Variants in PRICKLE2 observed in about 807,000 individuals in gnomAD.
PRICKLE2 encodes prickle planar cell polarity protein 2.
Under a neutral mutation model 81.4 loss-of-function variants are expected in PRICKLE2, and 21 were observed. The ratio of observed to expected loss-of-function variants is 0.26; its 90% CI spans 0.18 to 0.37. The LOEUF is 0.37. PRICKLE2 is among the 10% of genes least tolerant of loss of function. PRICKLE2 has a pLI of 1.00. For missense variants in PRICKLE2, 940 were observed against 1,109.0 expected (o/e 0.85, Z 2.16); for synonymous variants, 456 against 421.5 (o/e 1.08, Z -1.00).
At chr3:64,193,457 C>T (rs533764963) in intron 2 of PRICKLE2, among the ~76,000 whole-genome samples, 14 of 152,156 alleles carry the variant, frequency 9.2e-5, no homozygotes, top group Non-Finnish European at 1.5e-4. Flanking sequence ...AGAAAACTAT[C>T]GAACCATTAC....
At chr3:64,180,565 C>G (rs2078111472) in intron 2 of PRICKLE2, among the ~76,000 whole-genome samples, 1 of 150,368 alleles carries the variant, frequency 6.7e-6, no homozygotes, top group Non-Finnish European at 1.5e-5. Context: ...TAAAGTCTCA[C>G]TCTGTCACCT....
intron 2 of PRICKLE2, among the ~76,000 whole-genome samples, chr3:64,253,468 T>C (rs1388217891): frequency 2.0e-5 from 3 of 152,200 alleles, no homozygotes; most frequent in African/African-American, 7.2e-5. Flanking sequence ...GAAGTTCACA[T>C]GAGAAACCCT....
intron 1 of PRICKLE2, among the ~76,000 whole-genome samples, chr3:64,221,439 A>ACACACACACACACACACACACG (rs1476915690): frequency 2.0e-5 from 3 of 151,676 alleles, no homozygotes; most frequent in Middle Eastern, 3.2e-3. Context: ...ACACACACAC[A>ACACACACACACACACACACACG]CACACACACA....
intron 2 of PRICKLE2, among the ~76,000 whole-genome samples, chr3:64,242,241 GA>G (rs1240070863): frequency 6.6e-6 from 1 of 152,130 alleles, no homozygotes; most frequent in East Asian, 1.9e-4. Flanking sequence ...CTGAAAGAAG[GA>G]AAAGGGCATA....
intron 2 of PRICKLE2, among the ~76,000 whole-genome samples, chr3:64,196,365 G>T (rs2078453682): frequency 6.6e-6 from 1 of 152,162 alleles, no homozygotes; most frequent in Non-Finnish European, 1.5e-5. Context: ...GAAGTTGTTG[G>T]AAATAAGGTT....
At chr3:64,254,843 T>C (rs1450483004) in intron 2 of PRICKLE2, among the ~76,000 whole-genome samples, 1 of 152,198 alleles carries the variant, frequency 6.6e-6, no homozygotes, top group Non-Finnish European at 1.5e-5. Flanking sequence ...TCCAACTACC[T>C]GGGTTTACCA....
In PRICKLE2 at chr3:64,092,691, T is replaced by C. The variant is rs1009823737; in HGVS notation, c.*6360A>G. The C allele has an allele frequency of 3.3e-5, 5 of 152,152 alleles. No homozygotes were observed. Among genetic ancestry groups the C allele is most frequent in the African/African-American group, 9.7e-5 (4 of 41,434 alleles). 9.4% of individuals were successfully genotyped at this position (152,152 alleles called of 1,614,324 possible). ...ATTTGCTTAAAAGCAAACACAAATA[T>C]TTTTGGGTCATCTGCTGCTTTCAAT... On this transcript the variant is annotated 3_prime_UTR_variant, in exon 8 of 8. Transcript: ENST00000638394.
intron 2 of PRICKLE2, among the ~76,000 whole-genome samples, chr3:64,262,067 A>C (rs1351184916): frequency 6.6e-6 from 1 of 152,160 alleles, no homozygotes; most frequent in African/African-American, 2.4e-5. Context: ...CATAGACCTT[A>C]TATGTAGAGT....
chr3:64,134,529 TAGG>T (rs1385617609), intron 7 of PRICKLE2, among the ~76,000 whole-genome samples: 2 of 152,102 alleles, frequency 1.3e-5, no homozygotes, highest in Non-Finnish European at 2.9e-5. Flanking sequence ...TTGTGCACTG[TAGG>T]AGGTTTAGCG....
chr3:64,196,766 A>G (rs1011386772), intron 2 of PRICKLE2, among the ~76,000 whole-genome samples: 2 of 152,196 alleles, frequency 1.3e-5, no homozygotes, highest in African/African-American at 4.8e-5. Context: ...GGAAGGTAAC[A>G]CAAAAGAATA....
At chr3:64,161,087 G>T (rs913264349) in intron 3 of PRICKLE2, among the ~76,000 whole-genome samples, 1 of 151,668 alleles carries the variant, frequency 6.6e-6, no homozygotes, top group Non-Finnish European at 1.5e-5. Context: ...GATCCCTGAC[G>T]CTCCTACTTA....
chr3:64,157,546 T>C (rs1349319484), intron 4 of PRICKLE2, among the ~76,000 whole-genome samples, 181 bp from the exon 5 acceptor site: 1 of 152,182 alleles, frequency 6.6e-6, no homozygotes, highest in East Asian at 1.9e-4. Context: ...TGAACTCTCC[T>C]TTCCTAAGGC....
intron 2 of PRICKLE2, among the ~76,000 whole-genome samples, chr3:64,180,466 C>T (rs1049692688): frequency 1.3e-5 from 2 of 152,060 alleles, no homozygotes; most frequent in African/African-American, 4.8e-5. Context: ...CACTCACTTC[C>T]CATTCTCCTC....
chr3:64,203,309 T>C (rs2078623078), intron 1 of PRICKLE2, among the ~76,000 whole-genome samples: 1 of 152,222 alleles, frequency 6.6e-6, no homozygotes, highest in South Asian at 2.1e-4. Flanking sequence ...TACTGCACAA[T>C]GGTCAGGTCT....
intron 7 of PRICKLE2, among the ~76,000 whole-genome samples, chr3:64,124,835 A>G (rs532692036): frequency 2.6e-5 from 4 of 152,204 alleles, no homozygotes; most frequent in Non-Finnish European, 5.9e-5. Context: ...AAGAATATGA[A>G]TGTTGTTTTC....
chr3:64,123,388 A>G (rs1293098400), intron 7 of PRICKLE2, among the ~76,000 whole-genome samples: 1 of 152,218 alleles, frequency 6.6e-6, no homozygotes, highest in Admixed American at 6.5e-5. Context: ...TTTGGGTGAC[A>G]ATATGATACT....
At chr3:64,191,209 C>T (rs750421164) in intron 2 of PRICKLE2, among the ~76,000 whole-genome samples, 2 of 152,192 alleles carry the variant, frequency 1.3e-5, no homozygotes, top group Non-Finnish European at 2.9e-5. Context: ...ATGCTTAATC[C>T]GCCTTCTCCA....
chr3:64,146,768 C>G, intron 7 of PRICKLE2, 62 bp downstream of exon 7: 2 of 1,589,120 alleles, frequency 1.3e-6, no homozygotes, highest in Non-Finnish European at 1.7e-6. Flanking sequence ...TCCTGGGGAC[C>G]AGCATCCAGT....
At position 64,147,704 on chromosome 3, in the gene PRICKLE2, T is replaced by TA. The variant is rs760323142; in HGVS notation, c.788-3dup. 2 of 1,612,398 alleles carry TA rather than the reference T, an allele frequency of 1.2e-6. No individual in the cohort carries two copies. The highest frequency in any genetic ancestry group is 8.5e-7 in the Non-Finnish European group (1 of 1,179,502). On this transcript the variant is annotated splice_region_variant and splice_polypyrimidine_tract_variant and intron_variant, in intron 6 of 7. Coordinates refer to ENST00000638394, the MANE Select transcript of PRICKLE2 (RefSeq NM_198859.4). The surrounding 1 kb of genome is among the most constrained non-coding windows in gnomAD (Gnocchi z 5.0). ...AGGTCATTTGACCTTGGTCGATACCTAAAAAAATGAGAGACATTGGAGAGG... is the reference window on the plus strand; with the variant it reads ...AGGTCATTTGACCTTGGTCGATACCTAAAAAAAATGAGAGACATTGGAGAGG...
Sources: allele counts gnomAD v4.1 joint callset (sites outside exome capture counted in the v4.1 genomes callset), GRCh38; gene constraint gnomAD v4.1.1; non-coding constraint Gnocchi (gnomAD v3.1); transcripts MANE v1.5; gene names NCBI Gene and HGNC (gene_info 2026-07-23, HGNC 2026-07-21).